The following SMARCA1 variants were observed in gnomAD, a reference collection of about 807,000 sequenced individuals.
The protein encoded by SMARCA1 is SNF2 related chromatin remodeling ATPase 1, also known as SWI/SNF-related matrix-associated actin-dependent regulator of chromatin subfamily A member 1.
Under a neutral mutation model 93.6 loss-of-function variants are expected in SMARCA1, and 17 were observed. The ratio of observed to expected loss-of-function variants is 0.18; its 90% CI spans 0.12 to 0.27. SMARCA1 has a LOEUF of 0.27. SMARCA1 is among the 10% of genes least tolerant of loss of function. The pLI is 1.00. For missense variants in SMARCA1, 630 were observed against 819.0 expected, an observed-to-expected ratio of 0.77 and a Z score of 2.82; for synonymous variants, 271 against 271.4, an observed-to-expected ratio of 1.00 and a Z score of 0.01.
intron 14 of SMARCA1, among the ~76,000 whole-genome samples, chrX:129,491,070 T>C (rs1401222084): frequency 1.8e-5 from 2 of 111,755 alleles, no homozygotes; most frequent in Non-Finnish European, 3.8e-5. Context: ...GGTAGTTCAA[T>C]ACCATCGTAA....
chrX:129,492,261 A>C (rs1934155960), intron 13 of SMARCA1, among the ~76,000 whole-genome samples, 168 bp from the exon 14 acceptor site: 2 of 111,748 alleles, frequency 1.8e-5, no homozygotes, highest in South Asian at 3.6e-4. Context: ...ATCTTCAAAA[A>C]TATGTAAGCA....
At chrX:129,468,079 C>T (rs1464830193) in intron 21 of SMARCA1, among the ~76,000 whole-genome samples, 1 of 112,295 alleles carries the variant, frequency 8.9e-6, no homozygotes, top group African/African-American at 3.2e-5. Flanking sequence ...GGCACCAAAG[C>T]GCTGCGCCCT....
chrX:129,482,977 C>CA (rs1408087484), intron 17 of SMARCA1, among the ~76,000 whole-genome samples: 3 of 111,817 alleles, frequency 2.7e-5, no homozygotes, highest in Admixed American at 1.9e-4. Flanking sequence ...TACAAATTCT[C>CA]ACAGTGTCTA....
intron 23 of SMARCA1, among the ~76,000 whole-genome samples, chrX:129,457,957 T>C (rs1932709339): frequency 8.9e-6 from 1 of 112,001 alleles, no homozygotes; most frequent in African/African-American, 3.2e-5. Flanking sequence ...TCTTAAAGAA[T>C]TGCATAACAC....
At chrX:129,504,563 A>AC (rs1569446063) in intron 9 of SMARCA1, among the ~76,000 whole-genome samples, 171 bp downstream of exon 9, 6 of 96,039 alleles carry the variant, frequency 6.2e-5, no homozygotes, top group African/African-American at 2.6e-4. Flanking sequence ...AAAAAAAAAA[A>AC]AAAAAAAAAA....
chrX:129,496,607 A>AT, intron 12 of SMARCA1, 143 bp downstream of exon 12: 2 of 477,355 alleles, frequency 4.2e-6, no homozygotes, highest in Non-Finnish European at 7.0e-6. Context: ...CACACTGAAG[A>AT]TTGAAGAGAG....
chrX:129,520,138 CGTGTGTGTGTGTGT>C lies in SMARCA1; in HGVS notation c.175-1705_175-1692del, dbSNP rs374631579. On this transcript the variant is annotated intron_variant, in intron 1 of 24. Coordinates refer to ENST00000371121, the MANE Select transcript of SMARCA1 (RefSeq NM_001282874.2). ...AATACCTACCTTCTAAACCTTCTCT[CGTGTGTGTGTGTGT>C]GTGTGTGTGTGTGTGTGTGTATTCT... 3.5e-3 allele frequency among the ~76,000 whole-genome samples: 341 copies of C among 96,734 alleles called. 2 individuals carry two copies. The highest frequency in any genetic ancestry group is 0.013 in the African/African-American group (330 of 26,331). 84.0% of individuals were successfully genotyped at this position (96,734 alleles called of 115,157 possible).
chrX:129,466,538 G>A (rs979900605), intron 21 of SMARCA1, among the ~76,000 whole-genome samples: 36 of 110,492 alleles, frequency 3.3e-4, no homozygotes, highest in African/African-American at 1.1e-3. Flanking sequence ...GCCTGTAATC[G>A]CAGCTACTCG....
chrX:129,514,923 G>A (rs1185713526), intron 5 of SMARCA1, among the ~76,000 whole-genome samples: 1 of 110,908 alleles, frequency 9.0e-6, no homozygotes. Flanking sequence ...GGTGGCAGGC[G>A]CCTGTAACCC....
chrX:129,471,280 T>C lies in SMARCA1; in HGVS notation c.2489A>G (p.Glu830Gly), dbSNP rs780004002. 2 of 1,199,364 alleles carry C rather than the reference T, an allele frequency of 1.7e-6. No individual in the cohort carries two copies. The highest frequency in any genetic ancestry group is 2.3e-6 in the Non-Finnish European group (2 of 884,753). Reference sequence around the variant, plus strand: ...AGCTCCATCAATCTTTTTTTGCTCTTCTCTTTGAGCCAGAGCTGGATTTGG... The same window carrying C: ...AGCTCCATCAATCTTTTTTTGCTCTCCTCTTTGAGCCAGAGCTGGATTTGG... ...DIPNPALAQR[E>G]EQKKIDGAEP... Residue 830 changes from glutamate (E) to glycine (G), a missense_variant, in exon 20 of 25, where the codon GAA becomes GGA. By Grantham distance (98) the Glu-to-Gly change is moderately conservative. This residue lies in a region of SMARCA1 where 52 missense variants were observed against 38.3 expected (regional missense o/e 1.36). Transcript: ENST00000371121.
At chrX:129,463,590 T>C (rs1932842833) in intron 23 of SMARCA1, among the ~76,000 whole-genome samples, 1 of 112,093 alleles carries the variant, frequency 8.9e-6, no homozygotes, top group Non-Finnish European at 1.9e-5. Context: ...TGCTAACATA[T>C]ATATCTTTTC....
intron 19 of SMARCA1, among the ~76,000 whole-genome samples, chrX:129,479,890 G>A (rs942776585): frequency 1.8e-5 from 2 of 110,802 alleles, no homozygotes; most frequent in African/African-American, 6.6e-5. Context: ...TAGAGACGGG[G>A]TTTTGCCATG....
intron 20 of SMARCA1, among the ~76,000 whole-genome samples, chrX:129,470,356 C>T (rs1192904731): frequency 9.1e-6 from 1 of 109,617 alleles, no homozygotes; most frequent in Non-Finnish European, 1.9e-5. Context: ...AAATGGAAAC[C>T]TTCCTAATTT....
intron 11 of SMARCA1, among the ~76,000 whole-genome samples, 171 bp downstream of exon 11, chrX:129,497,674 T>C (rs750119878): frequency 8.9e-6 from 1 of 112,361 alleles, no homozygotes; most frequent in Admixed American, 9.5e-5. Flanking sequence ...AAGGCAAAGA[T>C]TGTTGTCTTA....
At chrX:129,510,028 T>A (rs975750703) in intron 6 of SMARCA1, among the ~76,000 whole-genome samples, 2 of 112,626 alleles carry the variant, frequency 1.8e-5, no homozygotes, top group Admixed American at 9.4e-5. Context: ...TGTCTATATG[T>A]AATGATCTGG....
intron 1 of SMARCA1, among the ~76,000 whole-genome samples, chrX:129,522,816 G>A (rs1195081822): frequency 8.9e-6 from 1 of 111,784 alleles, no homozygotes; most frequent in Admixed American, 9.4e-5. Context: ...GGGAGAGGGA[G>A]CGAGCGAGAG....
intron 19 of SMARCA1, among the ~76,000 whole-genome samples, chrX:129,477,682 G>A (rs1286781458): frequency 9.0e-6 from 1 of 111,725 alleles, no homozygotes; most frequent in Non-Finnish European, 1.9e-5. Flanking sequence ...TAAGGATGTA[G>A]TTCAAAGGCT....
At chrX:129,469,438 T>C (rs1035241898) in intron 20 of SMARCA1, among the ~76,000 whole-genome samples, 2 of 112,083 alleles carry the variant, frequency 1.8e-5, no homozygotes, top group African/African-American at 6.5e-5. Context: ...AAGCAGAACG[T>C]TATTGGAGCC....
At chrX:129,453,428 T>C (rs753574263) in intron 23 of SMARCA1, among the ~76,000 whole-genome samples, 1 of 111,497 alleles carries the variant, frequency 9.0e-6, no homozygotes. Context: ...TTCAACACAG[T>C]ATTGGAAGTT....
Sources: allele counts gnomAD v4.1 joint callset (sites outside exome capture counted in the v4.1 genomes callset), GRCh38; gene constraint gnomAD v4.1.1; regional missense constraint gnomAD v4.1.1; transcripts MANE v1.5; gene names NCBI Gene and HGNC (gene_info 2026-07-23, HGNC 2026-07-21).